GPC5: variants seen among roughly 807,000 people sequenced by gnomAD.
The protein encoded by GPC5 is glypican-5.
Under a neutral mutation model 53.9 loss-of-function variants are expected in GPC5, and 47 were observed. The observed-to-expected ratio is 0.87, with a 90% CI of 0.69 to 1.11. GPC5 has a LOEUF of 1.11. GPC5 is among the 50% of genes most tolerant of loss of function. The probability of loss-of-function intolerance (pLI) is 0.00; values close to 1 mark genes in which losing one functional copy is unlikely to be tolerated. For missense variants in GPC5, 748 were observed against 713.1 expected, an observed-to-expected ratio of 1.05 and a Z score of -0.56; for synonymous variants, 286 against 263.3, an observed-to-expected ratio of 1.09 and a Z score of -0.84.
At chr13:91,943,241 T>C (rs990310705) in intron 6 of GPC5, among the ~76,000 whole-genome samples, 2 of 152,168 alleles carry the variant, frequency 1.3e-5, no homozygotes, top group Admixed American at 6.5e-5. Context: ...ACAAAGTATT[T>C]GATTAACAAA....
At chr13:92,392,480 G>A (rs893908124) in intron 7 of GPC5, among the ~76,000 whole-genome samples, 2 of 152,056 alleles carry the variant, frequency 1.3e-5, no homozygotes, top group African/African-American at 4.8e-5. Flanking sequence ...TACCATCCTG[G>A]ACATAGGAAT....
chr13:91,838,355 C>A (rs2038745647), intron 5 of GPC5, among the ~76,000 whole-genome samples: 1 of 151,974 alleles, frequency 6.6e-6, no homozygotes, highest in South Asian at 2.1e-4. Flanking sequence ...GGCTCTTGTA[C>A]CCATGGTGCC....
intron 5 of GPC5, among the ~76,000 whole-genome samples, chr13:91,884,315 C>G (rs1054920160): frequency 6.6e-6 from 1 of 152,140 alleles, no homozygotes; most frequent in Non-Finnish European, 1.5e-5. Context: ...TTTATTGCAG[C>G]ACTATTCACA....
At chr13:92,196,787 C>T (rs1394098630) in intron 7 of GPC5, among the ~76,000 whole-genome samples, 1 of 124,488 alleles carries the variant, frequency 8.0e-6, no homozygotes, top group African/African-American at 2.9e-5. Flanking sequence ...TCAACAGCAG[C>T]TCATCTTACT....
chr13:91,527,695 C>T (rs1004643058), intron 2 of GPC5, among the ~76,000 whole-genome samples: 2 of 152,242 alleles, frequency 1.3e-5, no homozygotes, highest in African/African-American at 4.8e-5. Context: ...TTCAGGAGGG[C>T]TCTGCCCCTG....
At chr13:92,759,181 A>T (rs1566405848) in intron 7 of GPC5, among the ~76,000 whole-genome samples, 1 of 150,520 alleles carries the variant, frequency 6.6e-6, no homozygotes, top group Admixed American at 6.6e-5. Flanking sequence ...TAAATCAGTA[A>T]GGGTAATACC....
At chr13:92,484,660 T>TGTC (rs1879486887) in intron 7 of GPC5, 5 of 152,212 alleles carry the variant, frequency 3.3e-5, no homozygotes, top group Non-Finnish European at 5.9e-5. Context: ...AAGGCTACTC[T>TGTC]CTTTAGAAGG....
At chr13:92,843,051 A>G (rs1878485204) in intron 7 of GPC5, among the ~76,000 whole-genome samples, 1 of 152,204 alleles carries the variant, frequency 6.6e-6, no homozygotes, top group African/African-American at 2.4e-5. Context: ...TGGAATTATA[A>G]TTGTTCAAGA....
At chr13:92,196,541 A>G (rs77518060) in intron 7 of GPC5, among the ~76,000 whole-genome samples, 4,182 of 152,300 alleles carry the variant, frequency 0.027, 195 homozygotes, top group African/African-American at 0.094. Context: ...TGAAAGCTTT[A>G]TTATAATCTA....
intron 7 of GPC5, among the ~76,000 whole-genome samples, chr13:92,608,707 G>A (rs1379165397): frequency 6.6e-6 from 1 of 152,178 alleles, no homozygotes; most frequent in African/African-American, 2.4e-5. Flanking sequence ...TGCGGAATCT[G>A]AGCTGTGTTC....
intron 7 of GPC5, among the ~76,000 whole-genome samples, chr13:92,181,937 T>C (rs2042149900): frequency 6.6e-6 from 1 of 152,074 alleles, no homozygotes; most frequent in Admixed American, 6.5e-5. Flanking sequence ...CAATGTTGAG[T>C]AGGTTTGCAT....
Position 92,182,890 on chromosome 13 carries a change from A to AT in GPC5, c.1561+37901_1561+37902insT, listed in dbSNP as rs34891050. Among the ~76,000 whole-genome samples the AT allele has an allele frequency of 1.6e-3, 245 of 151,112 alleles. 5 individuals are homozygous for AT. The East Asian group carries it at 0.026, about 16-fold the overall frequency. On this transcript the variant is annotated intron_variant, in intron 7 of 7. Transcript: ENST00000377067. ...TCTCAAAAAAAGAAAAAAAAAAAAA[A>AT]GTAAACATTTTAACACCTACCCTTG...
At chr13:92,788,919 T>A (rs1367431660) in intron 7 of GPC5, among the ~76,000 whole-genome samples, 7 of 152,114 alleles carry the variant, frequency 4.6e-5, no homozygotes, top group Non-Finnish European at 7.3e-5. Context: ...GCTCAATATC[T>A]CAATATTGGG....
chr13:92,578,700 C>T (rs1308409642), intron 7 of GPC5, among the ~76,000 whole-genome samples: 3 of 152,156 alleles, frequency 2.0e-5, no homozygotes, highest in Non-Finnish European at 4.4e-5. Context: ...ACTGAATCTA[C>T]TGATTTAAAC....
chr13:92,746,934 A>C (rs1889254731), intron 7 of GPC5, among the ~76,000 whole-genome samples: 1 of 152,120 alleles, frequency 6.6e-6, no homozygotes, highest in African/African-American at 2.4e-5. Context: ...AACCTATTGC[A>C]CACTTAAGTA....
At chr13:92,491,375 C>T (rs971254928) in intron 7 of GPC5, among the ~76,000 whole-genome samples, 12 of 151,986 alleles carry the variant, frequency 7.9e-5, no homozygotes, top group Admixed American at 3.3e-4. Context: ...TTTTGACACA[C>T]TTGTAAAACT....
rs532061082 is a variant in GPC5 at position 92,440,080 on chromosome 13, AT to A, written c.1561+295092del. On this transcript the variant is annotated intron_variant, in intron 7 of 7. Coordinates refer to ENST00000377067, the MANE Select transcript of GPC5 (RefSeq NM_004466.6). ...CCACTGGTGAAGACAAAAGGGAATG[AT>A]GGGACAAGACAATGTTTTCTTTTCA... Among the ~76,000 whole-genome samples, 1,070 of 152,326 alleles carry A rather than the reference AT, an allele frequency of 7.0e-3. 6 individuals are homozygous for A. Among genetic ancestry groups the A allele is most frequent in the African/African-American group, 0.024 (1,016 of 41,576 alleles).
chr13:92,298,839 C>G (rs1284343859), intron 7 of GPC5, among the ~76,000 whole-genome samples: 1 of 152,182 alleles, frequency 6.6e-6, no homozygotes, highest in African/African-American at 2.4e-5. Flanking sequence ...CTCGTCCTGC[C>G]TCTCGTCCGC....
intron 6 of GPC5, among the ~76,000 whole-genome samples, chr13:92,012,336 T>C (rs1183599580): frequency 6.6e-6 from 1 of 152,200 alleles, no homozygotes; most frequent in Non-Finnish European, 1.5e-5. Context: ...CTAATTGTAT[T>C]AAATTATAAA....
Sources: gnomAD v4.1 joint callset for allele counts (sites outside exome capture counted in the v4.1 genomes callset) on GRCh38, gnomAD v4.1.1 for gene constraint, MANE v1.5 for transcripts, NCBI Gene and HGNC (gene_info 2026-07-23, HGNC 2026-07-21) for gene names.